PPARGC1A: variants seen among roughly 807,000 people sequenced by gnomAD.
PPARGC1A encodes the protein peroxisome proliferator-activated receptor gamma coactivator 1-alpha.
A neutral mutation model predicts 88.7 loss-of-function variants in PPARGC1A; 25 were observed. That is an observed-to-expected ratio of 0.28 (90% CI 0.21 to 0.39). The LOEUF is 0.39. Among genes scored for constraint, PPARGC1A ranks in the 10% least tolerant of loss-of-function variants. PPARGC1A has a pLI of 1.00. For missense variants in PPARGC1A, 880 were observed against 968.7 expected (o/e 0.91, Z 1.22); for synonymous variants, 363 against 355.6 (o/e 1.02, Z -0.24).
intron 2 of PPARGC1A, among the ~76,000 whole-genome samples, chr4:23,869,077 T>C (rs1202951655): frequency 2.6e-5 from 4 of 152,060 alleles, no homozygotes; most frequent in African/African-American, 7.2e-5. Flanking sequence ...GGATGAAAGG[T>C]CAGGTGAAAA....
At chr4:23,894,515 C>G (rs1217145832), upstream of PPARGC1A, among the ~76,000 whole-genome samples, 2 of 148,436 alleles carry the variant, frequency 1.3e-5, no homozygotes, top group Non-Finnish European at 3.0e-5. Flanking sequence ...GAGGAAATAA[C>G]TAGAGGAAAA....
At chr4:24,047,428 A>G in the PPARGC1A span, among the ~76,000 whole-genome samples, 1 of 152,238 alleles carries the variant, frequency 6.6e-6, no homozygotes, top group Non-Finnish European at 1.5e-5. Flanking sequence ...TCATAATTTC[A>G]GAGATAATGT....
chr4:24,427,947 T>TA, the PPARGC1A span, among the ~76,000 whole-genome samples: 76 of 151,666 alleles, frequency 5.0e-4, no homozygotes, highest in Middle Eastern at 3.4e-3. Flanking sequence ...CTCTTTTCTA[T>TA]AAAAAAAAAT....
the PPARGC1A span, among the ~76,000 whole-genome samples, chr4:24,108,996 T>TCACACA: frequency 7.2e-6 from 1 of 139,196 alleles, no homozygotes; most frequent in African/African-American, 2.6e-5. Flanking sequence ...GCTATAAAAA[T>TCACACA]CACACACACA....
upstream of PPARGC1A, among the ~76,000 whole-genome samples, chr4:23,894,189 T>A (rs1718240502): frequency 6.6e-6 from 1 of 152,188 alleles, no homozygotes; most frequent in Non-Finnish European, 1.5e-5. Context: ...CTGGGAATGC[T>A]GCCTGCCTAG....
the PPARGC1A span, among the ~76,000 whole-genome samples, chr4:24,321,075 A>C: frequency 6.6e-6 from 1 of 152,110 alleles, no homozygotes; most frequent in African/African-American, 2.4e-5. Flanking sequence ...TGAATTATCT[A>C]AGCAGCGCCT....
rs200455589 is a variant in PPARGC1A, at chr4:23,805,735, AT to A, written c.2020-3391del. ...CGCCTGCTTTCACGGGTGTTAAGGA[AT>A]TTTTTTTTAATGAGCCTTTTAGAAA... is the stretch of plus-strand genomic sequence containing the variant. On this transcript the variant is annotated intron_variant, in intron 10 of 12. Coordinates refer to ENST00000264867, the MANE Select transcript of PPARGC1A (RefSeq NM_013261.5). Among the ~76,000 whole-genome samples the A allele has an allele frequency of 3.8e-3, 581 of 151,686 alleles. 1 individual carries two copies. The highest frequency in any genetic ancestry group is 0.012 in the African/African-American group (487 of 41,442).
chr4:24,166,053 T>C, the PPARGC1A span, among the ~76,000 whole-genome samples: 2 of 152,082 alleles, frequency 1.3e-5, no homozygotes, highest in Admixed American at 1.3e-4. Flanking sequence ...TTGGAGGAAA[T>C]TAAAAGTGCT....
chr4:24,157,840 C>A, the PPARGC1A span, among the ~76,000 whole-genome samples: 1 of 151,958 alleles, frequency 6.6e-6, no homozygotes, highest in African/African-American at 2.4e-5. Flanking sequence ...TTGCCCTCAT[C>A]CCCCACCCCA....
At chr4:24,254,002 T>G in the PPARGC1A span, among the ~76,000 whole-genome samples, 1 of 152,232 alleles carries the variant, frequency 6.6e-6, no homozygotes, top group Non-Finnish European at 1.5e-5. Flanking sequence ...AACACTGATT[T>G]AATAATATTA....
At chr4:24,404,709 C>T in the PPARGC1A span, among the ~76,000 whole-genome samples, 40 of 152,128 alleles carry the variant, frequency 2.6e-4, no homozygotes, top group Admixed American at 2.6e-4. Context: ...CTCAGTCTTA[C>T]CTAGATAGAA....
At chr4:24,270,775 T>C in the PPARGC1A span, among the ~76,000 whole-genome samples, 1 of 152,198 alleles carries the variant, frequency 6.6e-6, no homozygotes, top group Non-Finnish European at 1.5e-5. Context: ...AATTCAATTT[T>C]TGGTATGTCT....
At chr4:24,075,215 C>T in the PPARGC1A span, among the ~76,000 whole-genome samples, 6 of 152,244 alleles carry the variant, frequency 3.9e-5, no homozygotes, top group African/African-American at 7.2e-5. Context: ...CTAAAAACAA[C>T]GAAGTTGCCA....
chr4:24,387,898 A>G, the PPARGC1A span, among the ~76,000 whole-genome samples: 296 of 48,124 alleles, frequency 6.2e-3, 25 homozygotes, highest in African/African-American at 0.019. Context: ...AAGAAAGAAA[A>G]AGAAAGAGAA....
the PPARGC1A span, chr4:24,091,389 G>T: frequency 1.1e-6 from 1 of 931,864 alleles, no homozygotes; most frequent in Non-Finnish European, 1.3e-6. Context: ...ACAAATTGAT[G>T]TACGCATATT....
At chr4:23,909,190 G>A in the PPARGC1A span, among the ~76,000 whole-genome samples, 24 of 152,092 alleles carry the variant, frequency 1.6e-4, no homozygotes, top group African/African-American at 4.6e-4. Context: ...TCCCTGACCC[G>A]TACGTAATTT....
At chr4:24,452,927 C>T in the PPARGC1A span, among the ~76,000 whole-genome samples, 7 of 152,036 alleles carry the variant, frequency 4.6e-5, no homozygotes, top group African/African-American at 1.2e-4. Context: ...CCTCCTACCC[C>T]CTAAGGAAAT....
the PPARGC1A span, among the ~76,000 whole-genome samples, chr4:23,986,856 G>C: frequency 2.0e-5 from 3 of 152,044 alleles, no homozygotes; most frequent in Non-Finnish European, 4.4e-5. Context: ...TGTTCAAAGA[G>C]AGAATTACAA....
the PPARGC1A span, among the ~76,000 whole-genome samples, chr4:24,355,092 C>A: frequency 1.3e-5 from 2 of 152,164 alleles, no homozygotes; most frequent in Non-Finnish European, 2.9e-5. Flanking sequence ...AAGGGACTTA[C>A]CGCAGCTATG....
Sources: gnomAD v4.1 joint callset for allele counts (sites outside exome capture counted in the v4.1 genomes callset) on GRCh38, gnomAD v4.1.1 for gene constraint, MANE v1.5 for transcripts, NCBI Gene and HGNC (gene_info 2026-07-23, HGNC 2026-07-21) for gene names.